The following CDIP1 variants were observed in gnomAD, a reference collection of about 807,000 sequenced individuals.
CDIP1 encodes cell death inducing p53 target 1.
A neutral mutation model predicts 17.7 loss-of-function variants in CDIP1; 9 were observed. The ratio of observed to expected loss-of-function variants is 0.51; its 90% CI spans 0.31 to 0.89. CDIP1 has a LOEUF of 0.89. Among genes scored for constraint, CDIP1 ranks in the 40% least tolerant of loss-of-function variants. The pLI, the probability that CDIP1 is intolerant of heterozygous loss-of-function variation, is 0.05. For synonymous variants in CDIP1, 117 were observed against 109.5 expected (o/e 1.07, Z -0.43); for missense variants, 263 against 277.9 (o/e 0.95, Z 0.38).
chr16:4,514,215 G>A lies in CDIP1; in HGVS notation c.-14-71C>T. The A allele has an allele frequency of 3.4e-6, 3 of 885,948 alleles. No homozygotes were observed. Among genetic ancestry groups the A allele is most frequent in the Non-Finnish European group, 3.4e-6 (2 of 586,130 alleles). The allele number at this position is 885,948 out of a possible 1,614,324, so 54.9% of individuals were successfully genotyped here. On this transcript the variant is annotated intron_variant, in intron 2 of 5. Transcript: ENST00000567695. The surrounding 1 kb of genome is among the most constrained non-coding windows in gnomAD (Gnocchi z 5.2). Reference sequence around the variant, plus strand: ...GGTTCCTTCTCCTTCAGCCCTGTGGGGTGGCCAAGATGCTGCACAAGGCGT... The same window carrying A: ...GGTTCCTTCTCCTTCAGCCCTGTGGAGTGGCCAAGATGCTGCACAAGGCGT...
chr16:4,527,281 G>A (rs570250154), intron 1 of CDIP1, among the ~76,000 whole-genome samples: 3 of 152,114 alleles, frequency 2.0e-5, no homozygotes, highest in Non-Finnish European at 4.4e-5. Context: ...TAGAGACGGG[G>A]TTTCACCGTG....
At chr16:4,521,985 A>G (rs2058954792) in intron 1 of CDIP1, among the ~76,000 whole-genome samples, 2 of 152,208 alleles carry the variant, frequency 1.3e-5, no homozygotes, top group Non-Finnish European at 2.9e-5. Flanking sequence ...CAGGGAGGAA[A>G]ACAACAGGTA....
chr16:4,528,071 C>T (rs1428389852), intron 1 of CDIP1, among the ~76,000 whole-genome samples: 2 of 152,140 alleles, frequency 1.3e-5, no homozygotes, highest in Non-Finnish European at 2.9e-5. Context: ...CCCACCTTGG[C>T]CTCTCAAAGT....
chr16:4,529,964 G>A (rs1419986243), intron 1 of CDIP1, among the ~76,000 whole-genome samples: 1 of 152,220 alleles, frequency 6.6e-6, no homozygotes, highest in South Asian at 2.1e-4. Context: ...TCCGTGGGTC[G>A]GGGTGGGATG....
At position 4,512,864 on chromosome 16, in the gene CDIP1, C is replaced by T. The variant is rs751703137; in HGVS notation, c.442G>A (p.Ala148Thr). The T allele has an allele frequency of 5.1e-6, 8 of 1,562,258 alleles. No homozygotes were observed. The South Asian group carries it at 9.4e-5, about 18-fold the overall frequency. Residue 148 changes from alanine (A) to threonine (T), a missense_variant, in exon 5 of 6, where the codon GCC becomes ACC. Transcript: ENST00000567695. The surrounding 1 kb of genome is among the most constrained non-coding windows in gnomAD (Gnocchi z 4.6). ...VQTVCPHCQQ[A>T]ITTKISYEIG... ...TCGTAGGAGATCTTGGTGGTGATGG[C>T]CTGCTGGCAGTGGGGACACACCGTC...
At chr16:4,537,070 T>C in intron 1 of CDIP1, among the ~76,000 whole-genome samples, 1 of 152,062 alleles carries the variant, frequency 6.6e-6, no homozygotes, top group South Asian at 2.1e-4. Flanking sequence ...TCCATTAAGG[T>C]AAAAACCATT....
At chr16:4,521,298 GC>G (rs777282419) in intron 1 of CDIP1, among the ~76,000 whole-genome samples, 4 of 152,054 alleles carry the variant, frequency 2.6e-5, no homozygotes, top group Non-Finnish European at 4.4e-5. Context: ...TCTGATCCTA[GC>G]CCCCCGAGTG....
chr16:4,513,591 G>T lies in CDIP1; in HGVS notation c.241+105C>A. 2 of 995,344 alleles carry T rather than the reference G, an allele frequency of 2.0e-6. No individual in the cohort carries two copies. The highest frequency in any genetic ancestry group is 3.1e-6 in the Non-Finnish European group (2 of 653,812). The allele number at this position is 995,344 out of a possible 1,614,324, so 61.7% of individuals were successfully genotyped here. ...GCAAGGGCTGGTTGGGCGTGTTGGAGTCCCTGCCCTACAGCAGATGCCCAC... is the reference window on the plus strand; with the variant it reads ...GCAAGGGCTGGTTGGGCGTGTTGGATTCCCTGCCCTACAGCAGATGCCCAC... On this transcript the variant is annotated intron_variant, in intron 4 of 5. Transcript: ENST00000567695. This position sits in a 1 kb window ranked among gnomAD's most constrained non-coding sequence, Gnocchi z 4.1.
chr16:4,520,236 T>C (rs2058931391), intron 1 of CDIP1, among the ~76,000 whole-genome samples: 1 of 151,984 alleles, frequency 6.6e-6, no homozygotes, highest in Non-Finnish European at 1.5e-5. Context: ...CTCAGCCTCC[T>C]GAGGAGCTGG....
intron 1 of CDIP1, among the ~76,000 whole-genome samples, chr16:4,537,379 A>AC (rs2059119111): frequency 6.6e-6 from 1 of 152,128 alleles, no homozygotes; most frequent in African/African-American, 2.4e-5. Context: ...ACTGGGCATA[A>AC]CCTTTCCGAT....
intron 1 of CDIP1, among the ~76,000 whole-genome samples, chr16:4,527,098 T>A (rs950174841): frequency 6.6e-6 from 1 of 151,720 alleles, no homozygotes; most frequent in African/African-American, 2.4e-5. Flanking sequence ...TACTTTTTTT[T>A]TTTTTTTTAG....
chr16:4,533,013 C>G (rs771530723), intron 1 of CDIP1: 3 of 152,264 alleles, frequency 2.0e-5, no homozygotes, highest in Non-Finnish European at 4.4e-5. Context: ...TAAGTGACTA[C>G]CTGTTTGAAA....
chr16:4,512,835 A>C lies in CDIP1; in HGVS notation c.471T>G (p.Ile157Met). 6.4e-7 allele frequency: 1 copy of C among 1,563,700 alleles called. No individual in the cohort carries two copies. Among genetic ancestry groups the C allele is most frequent in the Non-Finnish European group, 8.7e-7 (1 of 1,153,420 alleles). The change falls in exon 5 of 6, where the codon ATT becomes ATG. Residue 157 changes from isoleucine (I) to methionine (M), a missense_variant. Transcript: ENST00000567695. This position sits in a 1 kb window ranked among gnomAD's most constrained non-coding sequence, Gnocchi z 4.6. Reference sequence around the variant, plus strand: ...AACCCAGCACGAAATTCATCAAGCCAATCTCGTAGGAGATCTTGGTGGTGA... The same window carrying C: ...AACCCAGCACGAAATTCATCAAGCCCATCTCGTAGGAGATCTTGGTGGTGA... ...QAITTKISYE[I>M]GLMNFVLGFF...
At chr16:4,515,793 C>G (rs571966504) in intron 1 of CDIP1, among the ~76,000 whole-genome samples, 11 of 152,214 alleles carry the variant, frequency 7.2e-5, no homozygotes, top group Non-Finnish European at 1.6e-4. Flanking sequence ...CCCTCATACA[C>G]TGCTGGTAGG....
At chr16:4,533,929 G>C (rs1359133240) in intron 1 of CDIP1, among the ~76,000 whole-genome samples, 1 of 152,088 alleles carries the variant, frequency 6.6e-6, no homozygotes, top group Non-Finnish European at 1.5e-5. Context: ...GTTTGGGGTT[G>C]ACCTAAGTGG....
intron 1 of CDIP1, among the ~76,000 whole-genome samples, chr16:4,515,619 A>G (rs984153385): frequency 2.6e-5 from 4 of 152,248 alleles, no homozygotes; most frequent in Non-Finnish European, 5.9e-5. Flanking sequence ...AAGGATTTGA[A>G]CAAAGACTTC....
intron 1 of CDIP1, among the ~76,000 whole-genome samples, chr16:4,527,173 C>T (rs2059009804): frequency 3.3e-5 from 5 of 151,910 alleles, no homozygotes; most frequent in Non-Finnish European, 4.4e-5. Context: ...CTGCAAGCTC[C>T]GCCTCCTGGG....
intron 1 of CDIP1, among the ~76,000 whole-genome samples, chr16:4,518,736 G>C (rs2058913770): frequency 6.6e-6 from 1 of 152,240 alleles, no homozygotes; most frequent in Non-Finnish European, 1.5e-5. Flanking sequence ...AAACCATGTT[G>C]TGTAGGGTGT....
chr16:4,521,489 T>G (rs1378808133), intron 1 of CDIP1, among the ~76,000 whole-genome samples: 1 of 151,582 alleles, frequency 6.6e-6, no homozygotes, highest in East Asian at 1.9e-4. Flanking sequence ...AGGCCCTGAG[T>G]TTGTTGTTCT....
Sources: gnomAD v4.1 joint callset for allele counts (sites outside exome capture counted in the v4.1 genomes callset) on GRCh38, gnomAD v4.1.1 for gene constraint, Gnocchi (gnomAD v3.1) non-coding constraint, MANE v1.5 for transcripts, NCBI Gene and HGNC (gene_info 2026-07-23, HGNC 2026-07-21) for gene names.